Variants in PEX13 observed in about 807,000 individuals in gnomAD.
PEX13 encodes the protein peroxisome biogenesis factor 13.
Under a neutral mutation model 34.5 loss-of-function variants are expected in PEX13, and 28 were observed. That is an observed-to-expected ratio of 0.81 (90% CI 0.60 to 1.11). PEX13 has a LOEUF of 1.11. PEX13 is among the 50% of genes most tolerant of loss of function. The probability of loss-of-function intolerance (pLI) is 0.00; values close to 1 mark genes in which losing one functional copy is unlikely to be tolerated. For synonymous variants in PEX13, 177 were observed against 175.1 expected (o/e 1.01, Z -0.09); for missense variants, 550 against 491.0 (o/e 1.12, Z -1.13).
At chr2:61,042,025 T>C (rs1680633369) in intron 2 of PEX13, among the ~76,000 whole-genome samples, 1 of 152,236 alleles carries the variant, frequency 6.6e-6, no homozygotes, top group Non-Finnish European at 1.5e-5. Context: ...TGGCAAACCG[T>C]GGCTTGTGGG....
rs1216283471 is a variant in PEX13, at chr2:61,051,803, T to G, written c.*3033T>G. ...GGTAAAAGAACTATACATTTTCATG[T>G]TTTAACATTTTATGTACGTACTTGA... On this transcript the variant is annotated 3_prime_UTR_variant, in exon 4 of 4. Coordinates refer to ENST00000295030, the MANE Select transcript of PEX13 (RefSeq NM_002618.4). The G allele has an allele frequency of 6.6e-6, 1 of 152,344 alleles. No individual in the cohort carries two copies. The highest frequency in any genetic ancestry group is 1.5e-5 in the Non-Finnish European group (1 of 68,038). 9.4% of individuals were successfully genotyped at this position (152,344 alleles called of 1,614,324 possible). A position where few individuals can be genotyped will look rare whatever the true frequency, so the allele number is the denominator to read the frequency against.
chr2:61,030,889 G>T (rs1438918641), intron 1 of PEX13, among the ~76,000 whole-genome samples: 1 of 152,152 alleles, frequency 6.6e-6, no homozygotes, highest in Non-Finnish European at 1.5e-5. Context: ...GGGAATAGCT[G>T]CTAATGAATA....
intron 1 of PEX13, among the ~76,000 whole-genome samples, chr2:61,019,932 A>G (rs746477526): frequency 3.9e-5 from 6 of 152,200 alleles, no homozygotes; most frequent in African/African-American, 1.4e-4. Flanking sequence ...ATAAGCTACA[A>G]TTGGTGGGAA....
In PEX13 at chr2:61,050,821, C is replaced by G. The variant is rs1680785019; in HGVS notation, c.*2051C>G. ...TATTTTTAGTAGAGACGGGGTTTCA[C>G]CGTGTTACCCAGGATGGTCTCCATC... On this transcript the variant is annotated 3_prime_UTR_variant, in exon 4 of 4. Coordinates refer to ENST00000295030, the MANE Select transcript of PEX13 (RefSeq NM_002618.4). 1 of 152,266 alleles carries G rather than the reference C, an allele frequency of 6.6e-6. No homozygotes were observed. Among genetic ancestry groups the G allele is most frequent in the South Asian group, 2.1e-4 (1 of 4,830 alleles). 9.4% of individuals were successfully genotyped at this position (152,266 alleles called of 1,614,324 possible). A position where few individuals can be genotyped will look rare whatever the true frequency, so the allele number is the denominator to read the frequency against.
chr2:61,045,658 A>G (rs1680694733), intron 2 of PEX13, 68 bp from the exon 3 acceptor site: 2 of 1,424,626 alleles, frequency 1.4e-6, no homozygotes, highest in African/African-American at 1.4e-5. Context: ...TTTGCAAGCC[A>G]TAGCCAGTGA....
chr2:61,021,460 CAG>C (rs2104795836), intron 1 of PEX13, among the ~76,000 whole-genome samples: 1 of 152,282 alleles, frequency 6.6e-6, no homozygotes, highest in Non-Finnish European at 1.5e-5. Context: ...AGCAGCCTGG[CAG>C]GGGGAGGGGA....
At chr2:61,041,154 A>G (rs1039448215) in intron 2 of PEX13, among the ~76,000 whole-genome samples, 1 of 151,972 alleles carries the variant, frequency 6.6e-6, no homozygotes, top group African/African-American at 2.4e-5. Context: ...CATAGGGAAA[A>G]CCTGTCTCTA....
intron 1 of PEX13, 45 bp downstream of exon 1, chr2:61,017,896 G>T: frequency 1.3e-6 from 2 of 1,529,582 alleles, no homozygotes; most frequent in Non-Finnish European, 1.8e-6. Context: ...GGGCCCGAGC[G>T]GGGACTTGGC....
intron 3 of PEX13, among the ~76,000 whole-genome samples, chr2:61,046,248 T>C (rs964601944): frequency 9.2e-5 from 14 of 152,230 alleles, no homozygotes; most frequent in African/African-American, 3.4e-4. Flanking sequence ...TCTTTATTAC[T>C]TCAGCAGTGT....
intron 2 of PEX13, among the ~76,000 whole-genome samples, chr2:61,033,241 G>T (rs1465848248): frequency 6.6e-6 from 1 of 152,080 alleles, no homozygotes; most frequent in Non-Finnish European, 1.5e-5. Context: ...TTATTAATTT[G>T]GGGGCATCAG....
intron 2 of PEX13, among the ~76,000 whole-genome samples, chr2:61,043,677 A>G (rs898635395): frequency 1.3e-5 from 2 of 152,214 alleles, no homozygotes; most frequent in African/African-American, 4.8e-5. Context: ...TGAATTTATC[A>G]TGTGTTATTG....
intron 1 of PEX13, among the ~76,000 whole-genome samples, chr2:61,029,982 A>T (rs982327599): frequency 6.6e-6 from 1 of 152,200 alleles, no homozygotes; most frequent in Non-Finnish European, 1.5e-5. Context: ...GAGGATGTGC[A>T]TAGGTTATAT....
chr2:61,030,824 G>T (rs1284037719), intron 1 of PEX13, among the ~76,000 whole-genome samples: 1 of 152,096 alleles, frequency 6.6e-6, no homozygotes, highest in Non-Finnish European at 1.5e-5. Context: ...CAAACCGAGG[G>T]ACAGAAGGTA....
chr2:61,032,922 T>C (rs1399073918), intron 2 of PEX13, among the ~76,000 whole-genome samples: 3 of 152,194 alleles, frequency 2.0e-5, no homozygotes, highest in African/African-American at 7.2e-5. Flanking sequence ...TAGTATTGCA[T>C]TGGATCGTAA....
chr2:61,040,629 C>T (rs144469252), intron 2 of PEX13, among the ~76,000 whole-genome samples: 1,531 of 151,760 alleles, frequency 0.01, 32 homozygotes, highest in African/African-American at 0.035. Context: ...GGAGAAATAC[C>T]TAATGTAAAC....
At chr2:61,034,900 A>G (rs757442079) in intron 2 of PEX13, among the ~76,000 whole-genome samples, 6 of 152,260 alleles carry the variant, frequency 3.9e-5, no homozygotes, top group Non-Finnish European at 8.8e-5. Flanking sequence ...GCATAGCTGA[A>G]CAAAAGGCAG....
At chr2:61,031,315 T>C in intron 1 of PEX13, 104 bp from the exon 2 acceptor site, 1 of 838,412 alleles carries the variant, frequency 1.2e-6, no homozygotes, top group Non-Finnish European at 2.0e-6. Context: ...CAGTCTTCAG[T>C]AGAATTTGTC....
chr2:61,018,287 T>G (rs1245937956), intron 1 of PEX13: 2 of 1,550,520 alleles, frequency 1.3e-6, no homozygotes, highest in East Asian at 2.4e-5. Flanking sequence ...GAGAAGTTGC[T>G]GAAAGCCGGA....
intron 2 of PEX13, 31 bp from the exon 3 acceptor site, chr2:61,045,695 T>C (rs1559045165): frequency 6.2e-7 from 1 of 1,606,850 alleles, no homozygotes; most frequent in Non-Finnish European, 8.5e-7. Flanking sequence ...TTTTGTAAAT[T>C]TTATTAACCT....
Sources: allele counts gnomAD v4.1 joint callset (sites outside exome capture counted in the v4.1 genomes callset), GRCh38; gene constraint gnomAD v4.1.1; transcripts MANE v1.5; gene names NCBI Gene and HGNC (gene_info 2026-07-23, HGNC 2026-07-21).